Variants in GLUD1 observed in about 807,000 individuals in gnomAD.
GLUD1 encodes the protein glutamate dehydrogenase 1, also known as glutamate dehydrogenase 1, mitochondrial.
Under a neutral mutation model 56.0 loss-of-function variants are expected in GLUD1, and 22 were observed. The ratio of observed to expected loss-of-function variants is 0.39; its 90% CI spans 0.28 to 0.56. GLUD1 has a LOEUF of 0.56. Among genes scored for constraint, GLUD1 ranks in the 20% least tolerant of loss-of-function variants. The probability of loss-of-function intolerance (pLI) is 0.58; values close to 1 mark genes in which losing one functional copy is unlikely to be tolerated. For synonymous variants in GLUD1, 223 were observed against 269.9 expected (o/e 0.83, Z 1.70); for missense variants, 451 against 732.0 (o/e 0.62, Z 4.43).
chr10:87,057,762 C>G lies in GLUD1; in HGVS notation c.1423G>C (p.Glu475Gln). The part of the protein sequence containing the change: ...HLLMSVQESL[E>Q]RKFGKHGGTI... ...CCACCATGCTTTCCAAATTTTCTTT[C>G]TAAACTCTCTTGAACAGACACTACA... The change falls in exon 11 of 13, where the codon GAA becomes CAA. Residue 475 changes from glutamate to glutamine, a missense_variant. Glu to Gln is a conservative substitution (Grantham distance 29, BLOSUM62 2). This residue lies in a region of GLUD1 where 248 missense variants were observed against 460.0 expected (regional missense o/e 0.54). Coordinates refer to ENST00000277865, the MANE Select transcript of GLUD1 (RefSeq NM_005271.5). 2 of 1,554,758 alleles carry G rather than the reference C, an allele frequency of 1.3e-6. No individual in the cohort carries two copies. The highest frequency in any genetic ancestry group is 1.8e-6 in the Non-Finnish European group (2 of 1,128,644).
At chr10:87,086,731 T>A (rs962982954) in intron 1 of GLUD1, among the ~76,000 whole-genome samples, 2 of 147,176 alleles carry the variant, frequency 1.4e-5, no homozygotes, top group Admixed American at 1.4e-4. Context: ...CTCAGGAGGC[T>A]GAGGCAGGAG....
intron 1 of GLUD1, among the ~76,000 whole-genome samples, chr10:87,085,085 G>A (rs1841349852): frequency 6.6e-6 from 1 of 151,760 alleles, no homozygotes; most frequent in African/African-American, 2.4e-5. Flanking sequence ...TGGCTCACGC[G>A]TGTAATCCCA....
intron 10 of GLUD1, 143 bp from the exon 11 acceptor site, chr10:87,057,925 G>C (rs919265467): frequency 4.7e-6 from 3 of 639,596 alleles, no homozygotes; most frequent in Admixed American, 4.7e-5. Context: ...CTGGAGTGTA[G>C]AGGCGTGATC....
At chr10:87,067,823 C>T (rs548814569) in intron 5 of GLUD1, 306 of 476,080 alleles carry the variant, frequency 6.4e-4, no homozygotes, top group Non-Finnish European at 1.0e-3. Flanking sequence ...AGTGTCTTAG[C>T]ACAGTGGGCT....
intron 5 of GLUD1, 72 bp downstream of exon 5, chr10:87,067,991 T>C (rs1331674809): frequency 3.4e-6 from 3 of 870,458 alleles, no homozygotes; most frequent in Non-Finnish European, 3.9e-6. Context: ...CAACTTTTGA[T>C]ATAATCAGTC....
intron 5 of GLUD1, among the ~76,000 whole-genome samples, chr10:87,063,689 A>ATTATGTTATAT (rs1246418737): frequency 6.7e-6 from 1 of 149,448 alleles, no homozygotes; most frequent in African/African-American, 2.4e-5. Flanking sequence ...GATACTTAAT[A>ATTATGTTATAT]TAACATGACA....
chr10:87,068,039 TC>T, intron 5 of GLUD1, 23 bp downstream of exon 5: 1 of 1,376,182 alleles, frequency 7.3e-7, no homozygotes, highest in Non-Finnish European at 1.0e-6. Flanking sequence ...TGCAGAAGCC[TC>T]GGGGCTTCCA....
At chr10:87,079,418 C>T (rs1247436913) in intron 1 of GLUD1, among the ~76,000 whole-genome samples, 1 of 144,658 alleles carries the variant, frequency 6.9e-6, no homozygotes, top group East Asian at 2.0e-4. Context: ...ACCCCAGCAA[C>T]AGAGCCAGAC....
At chr10:87,063,584 G>A (rs1049581856) in intron 5 of GLUD1, among the ~76,000 whole-genome samples, 5 of 152,140 alleles carry the variant, frequency 3.3e-5, no homozygotes, top group African/African-American at 4.8e-5. Context: ...CCAAAACAGA[G>A]CCTGAGACAG....
intron 1 of GLUD1, chr10:87,089,763 A>G: frequency 2.1e-6 from 2 of 962,972 alleles, no homozygotes; most frequent in Non-Finnish European, 2.5e-6. Flanking sequence ...GATAGTGAAC[A>G]CTTGAATCTG....
chr10:87,065,413 T>C (rs1020838004), intron 5 of GLUD1, among the ~76,000 whole-genome samples: 11 of 152,316 alleles, frequency 7.2e-5, no homozygotes, highest in Admixed American at 2.0e-4. Flanking sequence ...AGCTGGTCTC[T>C]TGTTCTTTTT....
chr10:87,056,044 A>G (rs1474174944), intron 11 of GLUD1, among the ~76,000 whole-genome samples: 1 of 133,378 alleles, frequency 7.5e-6, no homozygotes, highest in East Asian at 2.4e-4. Flanking sequence ...TGAACCTGGG[A>G]GGCAGAGGTT....
At chr10:87,067,933 T>C (rs1036020012) in intron 5 of GLUD1, 130 bp downstream of exon 5, 2 of 683,726 alleles carry the variant, frequency 2.9e-6, no homozygotes, top group African/African-American at 1.8e-5. Flanking sequence ...CATAAAATAA[T>C]ATGCACATCA....
In GLUD1 at chr10:87,094,489, C is replaced by A; in HGVS notation, c.281G>T (p.Ser94Ile). The A allele has an allele frequency of 6.2e-7, 1 of 1,613,670 alleles. No individual in the cohort carries two copies. The highest frequency in any genetic ancestry group is 2.2e-5 in the East Asian group (1 of 44,862). The change falls in exon 1 of 13, where the codon AGC becomes ATC. Residue 94 changes from serine to isoleucine, a missense_variant. By Grantham distance (142) the Ser-to-Ile change is moderately radical (BLOSUM62 -2). Coordinates refer to ENST00000277865, the MANE Select transcript of GLUD1 (RefSeq NM_005271.5). This position sits in a 1 kb window ranked among gnomAD's most constrained non-coding sequence, Gnocchi z 6.6. The part of the protein sequence containing the change: ...KLVEDLRTRE[S>I]EEQKRNRVRG... ...CACCCGGTTCCGCTTCTGCTCCTCG[C>A]TCTCCCGGGTCCTCAGGTCCTCCAC...
chr10:87,060,016 T>C (rs750400287), intron 9 of GLUD1, 145 bp downstream of exon 9: 10 of 663,536 alleles, frequency 1.5e-5, no homozygotes, highest in Non-Finnish European at 2.5e-5. Flanking sequence ...GAATTAACCA[T>C]GCTTCTACTA....
chr10:87,073,636 T>TG (rs1846301365), intron 4 of GLUD1, among the ~76,000 whole-genome samples: 1 of 118,244 alleles, frequency 8.5e-6, no homozygotes, highest in Admixed American at 9.2e-5. Context: ...TTTTTTTTTT[T>TG]GAGACGGAGT....
intron 1 of GLUD1, among the ~76,000 whole-genome samples, chr10:87,091,133 G>A (rs546157988): frequency 6.6e-6 from 1 of 152,198 alleles, no homozygotes; most frequent in Admixed American, 6.5e-5. Context: ...ATGTATGAGA[G>A]AACTCCATCT....
chr10:87,091,795 T>C (rs1841515316), intron 1 of GLUD1, among the ~76,000 whole-genome samples: 1 of 152,130 alleles, frequency 6.6e-6, no homozygotes, highest in Admixed American at 6.5e-5. Flanking sequence ...GATAAGGTTG[T>C]TCTTGAGGGA....
intron 5 of GLUD1, among the ~76,000 whole-genome samples, chr10:87,063,065 T>TG (rs1013331949): frequency 4.8e-5 from 7 of 145,700 alleles, no homozygotes; most frequent in South Asian, 2.1e-4. Context: ...CTGTTTTTTT[T>TG]TTTGTTTGTT....
Sources: gnomAD v4.1 joint callset for allele counts (sites outside exome capture counted in the v4.1 genomes callset) on GRCh38, gnomAD v4.1.1 for gene constraint, gnomAD v4.1.1 regional missense constraint, Gnocchi (gnomAD v3.1) non-coding constraint, MANE v1.5 for transcripts, NCBI Gene and HGNC (gene_info 2026-07-23, HGNC 2026-07-21) for gene names.